Variants in SPAM1 observed in about 807,000 individuals in gnomAD.
SPAM1 encodes sperm adhesion molecule 1.
A neutral mutation model predicts 29.6 loss-of-function variants in SPAM1; 22 were observed. That is an observed-to-expected ratio of 0.74 (90% CI 0.53 to 1.06). The LOEUF (loss-of-function observed/expected upper bound fraction) is 1.06, where lower values mean the gene tolerates loss of function less well. SPAM1 is among the 50% of genes least tolerant of loss of function. The probability of loss-of-function intolerance (pLI) is 0.00; values close to 1 mark genes in which losing one functional copy is unlikely to be tolerated. For missense variants in SPAM1, 534 were observed against 604.0 expected (o/e 0.88, Z 1.21); for synonymous variants, 194 against 204.6 (o/e 0.95, Z 0.44).
chr7:123,970,325 A>G, intron 6 of SPAM1: 1 of 1,495,720 alleles, frequency 6.7e-7, no homozygotes, highest in Non-Finnish European at 9.1e-7. Context: ...TGTCTTCCAT[A>G]TGTTTCTGTC....
At chr7:123,951,684 C>A (rs1430188972) in intron 2 of SPAM1, among the ~76,000 whole-genome samples, 1 of 152,098 alleles carries the variant, frequency 6.6e-6, no homozygotes, top group Non-Finnish European at 1.5e-5. Flanking sequence ...TACAGTGGTG[C>A]TATCTCAGCT....
At chr7:123,936,959 C>G (rs913210373) in intron 1 of SPAM1, among the ~76,000 whole-genome samples, 2 of 152,184 alleles carry the variant, frequency 1.3e-5, no homozygotes, top group South Asian at 2.1e-4. Flanking sequence ...TCTTCCTCCT[C>G]CCACCTCACC....
At chr7:123,943,250 C>T (rs919024343) in intron 1 of SPAM1, among the ~76,000 whole-genome samples, 2 of 151,988 alleles carry the variant, frequency 1.3e-5, no homozygotes, top group Non-Finnish European at 2.9e-5. Context: ...GGAAGTTTTC[C>T]CTCTATTCTA....
chr7:123,951,448 C>T (rs1349691089), intron 2 of SPAM1, among the ~76,000 whole-genome samples: 1 of 152,096 alleles, frequency 6.6e-6, no homozygotes, highest in Admixed American at 6.6e-5. Context: ...ACTTCTAGGT[C>T]TAATCCTCAA....
At chr7:123,937,377 G>A (rs975382090) in intron 1 of SPAM1, among the ~76,000 whole-genome samples, 46 of 152,144 alleles carry the variant, frequency 3.0e-4, no homozygotes, top group African/African-American at 9.4e-4. Context: ...CAAGGCGGGC[G>A]GATCACAAAG....
Position 123,954,476 on chromosome 7 carries a change from A to G in SPAM1, c.906A>G (p.Ala302=). 1.9e-6 allele frequency: 3 copies of G among 1,612,416 alleles called. No individual in the cohort carries two copies. Among genetic ancestry groups the G allele is most frequent in the Non-Finnish European group, 2.5e-6 (3 of 1,178,952 alleles). Reference sequence around the variant, plus strand: ...CAAAAAGTCCACTTCCGGTTTTTGCATATACCCGCATAGTTTTTACTGATC... The same window carrying G: ...CAAAAAGTCCACTTCCGGTTTTTGCGTATACCCGCATAGTTTTTACTGATC... ...PDAKSPLPVF[A]YTRIVFTDQV... is the part of the protein sequence containing the mutation. Residue 302 remains alanine (A), a synonymous_variant, in exon 3 of 5, where the codon GCA becomes GCG. Transcript: ENST00000682466.
intron 5 of SPAM1, among the ~76,000 whole-genome samples, chr7:123,967,303 T>G (rs1792437877): frequency 6.6e-6 from 1 of 152,090 alleles, no homozygotes; most frequent in Non-Finnish European, 1.5e-5. Context: ...GGTATTACAA[T>G]GCTAAAATCA....
intron 5 of SPAM1, among the ~76,000 whole-genome samples, chr7:123,965,858 T>C (rs1792417927): frequency 6.6e-6 from 1 of 152,058 alleles, no homozygotes; most frequent in Non-Finnish European, 1.5e-5. Context: ...GATAGTTTAA[T>C]GGGAATAACA....
At position 123,954,035 on chromosome 7, in the gene SPAM1, A is replaced by T. The variant is rs369397167; in HGVS notation, c.465A>T (p.Ala155=). The change falls in exon 3 of 5, where the codon GCA becomes GCT. Residue 155 remains alanine (A), a synonymous_variant. Transcript: ENST00000682466. The part of the protein sequence containing the change: ...IDWEEWRPTW[A]RNWKPKDVYK... ...GGGAAGAATGGAGACCCACTTGGGC[A>T]AGAAACTGGAAACCTAAAGATGTTT... The T allele has an allele frequency of 6.2e-6, 10 of 1,613,668 alleles. No homozygotes were observed. The highest frequency in any genetic ancestry group is 8.5e-6 in the Non-Finnish European group (10 of 1,179,774).
At chr7:123,949,714 C>T (rs952887617) in intron 1 of SPAM1, among the ~76,000 whole-genome samples, 158 bp from the exon 2 acceptor site, 2 of 152,024 alleles carry the variant, frequency 1.3e-5, no homozygotes, top group African/African-American at 2.4e-5. Flanking sequence ...TATCCTTAGA[C>T]AAGGGATTCC....
At chr7:123,935,903 A>G (rs1808232464) in intron 1 of SPAM1, among the ~76,000 whole-genome samples, 1 of 152,054 alleles carries the variant, frequency 6.6e-6, no homozygotes. Context: ...CTACACTATT[A>G]TAGTCTATTT....
chr7:123,966,539 C>T (rs760109302), intron 5 of SPAM1, among the ~76,000 whole-genome samples: 8 of 151,920 alleles, frequency 5.3e-5, no homozygotes, highest in African/African-American at 1.2e-4. Context: ...CAATGATAGA[C>T]TAGATAAAGA....
Position 123,954,303 on chromosome 7 carries a change from A to G in SPAM1, c.733A>G (p.Arg245Gly). 1.2e-6 allele frequency: 2 copies of G among 1,612,558 alleles called. No individual in the cohort carries two copies. Among genetic ancestry groups the G allele is most frequent in the Non-Finnish European group, 1.7e-6 (2 of 1,179,418 alleles). ...NGSCFNVEIK[R>G]NDDLSWLWNE... ...AAGTTGCTTCAATGTAGAAATAAAAAGAAATGATGATCTCAGCTGGTTGTG... is the reference window on the plus strand; with the variant it reads ...AAGTTGCTTCAATGTAGAAATAAAAGGAAATGATGATCTCAGCTGGTTGTG... The change falls in exon 3 of 5, where the codon AGA becomes GGA. Residue 245 changes from arginine to glycine, a missense_variant. Coordinates refer to ENST00000682466, the MANE Select transcript of SPAM1 (RefSeq NM_153189.3).
intron 1 of SPAM1, among the ~76,000 whole-genome samples, chr7:123,945,718 G>A (rs978087631): frequency 6.6e-6 from 1 of 152,164 alleles, no homozygotes; most frequent in African/African-American, 2.4e-5. Context: ...GGTGAAAGGG[G>A]AGGAAGGAAT....
At chr7:123,963,430 A>G (rs1009910023), downstream of SPAM1, among the ~76,000 whole-genome samples, 1 of 151,786 alleles carries the variant, frequency 6.6e-6, no homozygotes, top group African/African-American at 2.4e-5. Flanking sequence ...AAAATTTAAG[A>G]TATGGCTTTT....
chr7:123,937,328 G>A (rs187858835), intron 1 of SPAM1, among the ~76,000 whole-genome samples: 35 of 152,180 alleles, frequency 2.3e-4, no homozygotes, highest in East Asian at 9.7e-4. Context: ...CAGGCCGGGC[G>A]CGGTGGCTCA....
intron 1 of SPAM1, among the ~76,000 whole-genome samples, chr7:123,939,126 C>T (rs1484563949): frequency 1.3e-5 from 2 of 150,708 alleles, no homozygotes; most frequent in South Asian, 4.2e-4. Flanking sequence ...TGCTCTGTCG[C>T]CCAGGCTGGA....
chr7:123,948,176 G>A (rs1350358735), intron 1 of SPAM1, among the ~76,000 whole-genome samples: 2 of 152,116 alleles, frequency 1.3e-5, no homozygotes, highest in African/African-American at 4.8e-5. Context: ...GAAAATACTT[G>A]TAAATATTTT....
chr7:123,935,273 T>C (rs1808217387), intron 1 of SPAM1, among the ~76,000 whole-genome samples: 1 of 152,170 alleles, frequency 6.6e-6, no homozygotes, highest in African/African-American at 2.4e-5. Flanking sequence ...AAATAACTAA[T>C]ATGCCAAAGT....
Sources: allele counts gnomAD v4.1 joint callset (sites outside exome capture counted in the v4.1 genomes callset), GRCh38; gene constraint gnomAD v4.1.1; transcripts MANE v1.5; gene names NCBI Gene and HGNC (gene_info 2026-07-23, HGNC 2026-07-21).